Variants in WIPF1 observed in about 807,000 individuals in gnomAD.
WIPF1 encodes WAS/WASL interacting protein family member 1, also known as WAS/WASL-interacting protein family member 1.
WIPF1 carries 13 observed loss-of-function variants against 35.4 expected under a neutral mutation model. The ratio of observed to expected loss-of-function variants is 0.37; its 90% CI spans 0.24 to 0.58. WIPF1 has a LOEUF of 0.58. WIPF1 is among the 20% of genes least tolerant of loss of function. The pLI is 0.74. For synonymous variants in WIPF1, 267 were observed against 266.3 expected (o/e 1.00, Z -0.02); for missense variants, 591 against 667.0 (o/e 0.89, Z 1.25).
At chr2:174,606,301 G>A (rs529619127) in intron 1 of WIPF1, among the ~76,000 whole-genome samples, 14 of 152,198 alleles carry the variant, frequency 9.2e-5, no homozygotes, top group Non-Finnish European at 1.9e-4. Flanking sequence ...TTCAAAAATA[G>A]TATCAAAAAA....
At chr2:174,605,328 C>T (rs1686126973) in intron 1 of WIPF1, among the ~76,000 whole-genome samples, 1 of 152,112 alleles carries the variant, frequency 6.6e-6, no homozygotes, top group Non-Finnish European at 1.5e-5. Flanking sequence ...ATCCCAGCTA[C>T]TCAGGAGGCT....
At chr2:174,591,563 T>A (rs2105856931) in intron 1 of WIPF1, among the ~76,000 whole-genome samples, 1 of 152,208 alleles carries the variant, frequency 6.6e-6, no homozygotes, top group Non-Finnish European at 1.5e-5. Flanking sequence ...AGGGGAGGGA[T>A]CTAGCAATAA....
chr2:174,659,326 T>G (rs1307607259), intron 1 of WIPF1, among the ~76,000 whole-genome samples: 1 of 152,208 alleles, frequency 6.6e-6, no homozygotes, highest in Non-Finnish European at 1.5e-5. Flanking sequence ...GTTTCCTGTT[T>G]GTGTATTAAC....
At chr2:174,596,484 TCCC>T (rs1685826206) in intron 1 of WIPF1, among the ~76,000 whole-genome samples, 1 of 152,234 alleles carries the variant, frequency 6.6e-6, no homozygotes, top group Non-Finnish European at 1.5e-5. Context: ...TCCTATTCTT[TCCC>T]CAGTCTTTCA....
intron 1 of WIPF1, among the ~76,000 whole-genome samples, chr2:174,666,994 A>G (rs1349439862): frequency 1.3e-5 from 2 of 152,264 alleles, no homozygotes; most frequent in Admixed American, 6.5e-5. Context: ...GAAGGGCCCC[A>G]TGGGCTTGGA....
intron 1 of WIPF1, among the ~76,000 whole-genome samples, chr2:174,664,628 T>G (rs1038572487): frequency 1.3e-5 from 2 of 152,212 alleles, no homozygotes; most frequent in African/African-American, 4.8e-5. Flanking sequence ...CACACCACTT[T>G]GACTTCTTGT....
intron 1 of WIPF1, among the ~76,000 whole-genome samples, chr2:174,681,471 A>T (rs1298916044): frequency 2.0e-5 from 3 of 152,264 alleles, no homozygotes; most frequent in Admixed American, 2.0e-4. Flanking sequence ...AAACTGAAGT[A>T]GAACATTTCT....
intron 1 of WIPF1, among the ~76,000 whole-genome samples, chr2:174,635,529 G>GTTTT (rs1197924942): frequency 3.6e-3 from 419 of 115,420 alleles, no homozygotes; most frequent in Non-Finnish European, 5.0e-3. Context: ...CCTTCTGTTT[G>GTTTT]TTTTTTTTTT....
chr2:174,648,168 T>C (rs935224376), intron 1 of WIPF1, among the ~76,000 whole-genome samples: 3 of 152,292 alleles, frequency 2.0e-5, no homozygotes, highest in African/African-American at 4.8e-5. Flanking sequence ...ATTTTATTAA[T>C]TAGTGGCAGT....
At chr2:174,574,344 G>C (rs543714412) in intron 4 of WIPF1, among the ~76,000 whole-genome samples, 3 of 152,228 alleles carry the variant, frequency 2.0e-5, no homozygotes, top group East Asian at 1.9e-4. Flanking sequence ...TGGCAAGATA[G>C]AACCTCTCAT....
chr2:174,565,483 G>T (rs144577847), intron 7 of WIPF1, among the ~76,000 whole-genome samples: 1 of 152,216 alleles, frequency 6.6e-6, no homozygotes, highest in Non-Finnish European at 1.5e-5. Flanking sequence ...GAAACATCTG[G>T]TGTTGTCCTG....
intron 1 of WIPF1, among the ~76,000 whole-genome samples, chr2:174,681,217 A>T (rs1483001602): frequency 6.6e-6 from 1 of 152,222 alleles, no homozygotes; most frequent in Non-Finnish European, 1.5e-5. Context: ...GTTTCATAAC[A>T]TCTGCAGAGT....
intron 1 of WIPF1, chr2:174,623,475 T>A (rs1182026252): frequency 1.3e-5 from 2 of 152,232 alleles, no homozygotes; most frequent in Non-Finnish European, 2.9e-5. Context: ...TGCATCTCTC[T>A]ATAAGGCAGC....
At chr2:174,585,700 T>G in intron 1 of WIPF1, 89 bp from the exon 2 acceptor site, 2 of 882,754 alleles carry the variant, frequency 2.3e-6, no homozygotes, top group South Asian at 3.0e-5. Flanking sequence ...AAGTGACAGC[T>G]CCACCTAGCT....
At chr2:174,584,998 G>A (rs1008420325) in intron 2 of WIPF1, among the ~76,000 whole-genome samples, 2 of 152,168 alleles carry the variant, frequency 1.3e-5, no homozygotes, top group African/African-American at 4.8e-5. Context: ...TTTAAAGGAG[G>A]ATGTGAATGT....
rs143754242 is a variant in WIPF1 at position 174,608,432 on chromosome 2, T to A, written c.-38-22821A>T. Among the ~76,000 whole-genome samples, 9 of 152,214 alleles carry A rather than the reference T, an allele frequency of 5.9e-5. No individual in the cohort carries two copies. In the East Asian group the frequency reaches 1.5e-3, roughly 26 times the overall value. On this transcript the variant is annotated intron_variant, in intron 1 of 8. Coordinates refer to the WIPF1 transcript ENST00000272746. ...AAGCAAACAAATACAAGTGCTGAGG[T>A]TGGAACATCACTTGCCTTATTTCTT...
At chr2:174,592,556 T>G (rs541010600) in intron 1 of WIPF1, among the ~76,000 whole-genome samples, 5 of 151,918 alleles carry the variant, frequency 3.3e-5, no homozygotes, top group Non-Finnish European at 7.4e-5. Flanking sequence ...AAAATCCAAC[T>G]GCTCTCTTGC....
At chr2:174,564,341 C>A (rs751053881) in intron 7 of WIPF1, among the ~76,000 whole-genome samples, 2 of 152,104 alleles carry the variant, frequency 1.3e-5, no homozygotes, top group Admixed American at 6.6e-5. Flanking sequence ...TACTTTTAGG[C>A]GAGGCATGGT....
At chr2:174,667,441 T>C (rs966099217) in intron 1 of WIPF1, among the ~76,000 whole-genome samples, 1 of 152,208 alleles carries the variant, frequency 6.6e-6, no homozygotes, top group African/African-American at 2.4e-5. Flanking sequence ...TTTTGAAGTG[T>C]CTAGCTCAGA....
Sources: allele counts gnomAD v4.1 joint callset (sites outside exome capture counted in the v4.1 genomes callset), GRCh38; gene constraint gnomAD v4.1.1; transcripts MANE v1.5; gene names NCBI Gene and HGNC (gene_info 2026-07-23, HGNC 2026-07-21).